PTPRB: variants seen among roughly 807,000 people sequenced by gnomAD.
The protein encoded by PTPRB is protein tyrosine phosphatase receptor type B, also known as receptor-type tyrosine-protein phosphatase beta.
A neutral mutation model predicts 238.1 loss-of-function variants in PTPRB; 97 were observed. The ratio of observed to expected loss-of-function variants is 0.41; its 90% CI spans 0.35 to 0.48. PTPRB has a LOEUF of 0.48. Among genes scored for constraint, PTPRB ranks in the 20% least tolerant of loss-of-function variants. The probability of loss-of-function intolerance (pLI) is 0.30; values close to 1 mark genes in which losing one functional copy is unlikely to be tolerated. For missense variants in PTPRB, 2,292 were observed against 2,681.9 expected, an observed-to-expected ratio of 0.85 and a Z score of 3.21; for synonymous variants, 970 against 995.4, an observed-to-expected ratio of 0.97 and a Z score of 0.48.
intron 12 of PTPRB, 63 bp downstream of exon 12, chr12:70,571,761 A>T: frequency 6.5e-7 from 1 of 1,539,132 alleles, no homozygotes; most frequent in South Asian, 1.3e-5. Flanking sequence ...TTCAAGGTTC[A>T]GATAAATTAC....
intron 21 of PTPRB, among the ~76,000 whole-genome samples, chr12:70,548,170 T>C (rs1242837390): frequency 6.6e-6 from 1 of 152,030 alleles, no homozygotes; most frequent in Non-Finnish European, 1.5e-5. Flanking sequence ...CTATTAAAAA[T>C]ACAAAAATTA....
At chr12:70,598,100 C>T (rs549399429) in intron 4 of PTPRB, among the ~76,000 whole-genome samples, 39 of 152,276 alleles carry the variant, frequency 2.6e-4, no homozygotes, top group African/African-American at 8.9e-4. Context: ...TTGCATGGTT[C>T]ACACCACAGC....
At chr12:70,543,433 A>G (rs1875482550) in intron 22 of PTPRB, among the ~76,000 whole-genome samples, 2 of 152,204 alleles carry the variant, frequency 1.3e-5, no homozygotes, top group South Asian at 2.1e-4. Flanking sequence ...ATGTAACAGT[A>G]TTTCAAAAAG....
At position 70,596,088 on chromosome 12, in the gene PTPRB, C is replaced by T; in HGVS notation, c.1219G>A (p.Gly407Arg). 1.9e-6 allele frequency: 3 copies of T among 1,611,752 alleles called. No homozygotes were observed. Among genetic ancestry groups the T allele is most frequent in the South Asian group, 2.2e-5 (2 of 90,850 alleles). Residue 407 changes from glycine to arginine, a missense_variant, in exon 5 of 34, where the codon GGA (glycine) becomes AGA (arginine). Physicochemically the swap from Gly to Arg is moderately radical, Grantham distance 125 (BLOSUM62 -2). This residue lies in a region of PTPRB where 1,205 missense variants were observed against 1,287.8 expected (regional missense o/e 0.94). Transcript: ENST00000334414. The part of the protein sequence containing the change: ...YNIAITAVSG[G>R]KRSFSVYTNG... ...GTATAAACTGAAAAAGAACGTTTTC[C>T]TCCAGAAACAGCTGTGATGGCAATA...
intron 20 of PTPRB, among the ~76,000 whole-genome samples, chr12:70,554,793 A>G (rs1877399392): frequency 6.6e-6 from 1 of 152,206 alleles, no homozygotes; most frequent in African/African-American, 2.4e-5. Flanking sequence ...ACAAAAGAGT[A>G]GTGAACAAGA....
At chr12:70,612,617 G>A (rs1055006328) in intron 3 of PTPRB, among the ~76,000 whole-genome samples, 1 of 151,966 alleles carries the variant, frequency 6.6e-6, no homozygotes, top group Non-Finnish European at 1.5e-5. Flanking sequence ...AGACTACATG[G>A]GAAGGGTGGG....
chr12:70,543,055 C>T (rs1875425294), intron 22 of PTPRB: 1 of 151,720 alleles, frequency 6.6e-6, no homozygotes, highest in African/African-American at 2.4e-5. Flanking sequence ...TGTAGGTTGT[C>T]TTTTTACTTT....
chr12:70,590,908 T>C (rs992028145), intron 7 of PTPRB, among the ~76,000 whole-genome samples: 4 of 150,550 alleles, frequency 2.7e-5, no homozygotes, highest in African/African-American at 9.7e-5. Flanking sequence ...ATTTTTTAGG[T>C]CCTTATTAAA....
chr12:70,606,961 G>A (rs542777178), intron 4 of PTPRB, among the ~76,000 whole-genome samples: 13 of 152,320 alleles, frequency 8.5e-5, no homozygotes, highest in African/African-American at 3.1e-4. Context: ...CATAATATTT[G>A]TAGACAAGTA....
rs749138809 is a variant in PTPRB at position 70,587,243 on chromosome 12, C to T, written c.2075G>A (p.Arg692His). The T allele has an allele frequency of 1.3e-5, 21 of 1,613,766 alleles. No homozygotes were observed. The highest frequency in any genetic ancestry group is 1.4e-5 in the Non-Finnish European group (17 of 1,179,804). ...RTVPLAVLQL[R>H]VKHANETSLS... is the part of the protein sequence containing the mutation. ...TGAGGTTTCATTGGCATGTTTGACA[C>T]GAAGCTGGAGGACAGCCAGGGGGAC... Residue 692 changes from arginine to histidine, a missense_variant, in exon 9 of 34, where the codon CGT becomes CAT. Arg to His is a conservative substitution (Grantham distance 29). Coordinates refer to ENST00000334414, the MANE Select transcript of PTPRB (RefSeq NM_001109754.4).
At chr12:70,582,269 T>C (rs1282721296) in intron 9 of PTPRB, among the ~76,000 whole-genome samples, 1 of 152,134 alleles carries the variant, frequency 6.6e-6, no homozygotes, top group Non-Finnish European at 1.5e-5. Flanking sequence ...TACAAAAGCG[T>C]TCATTAAAAA....
chr12:70,585,755 T>G (rs1881841363), intron 9 of PTPRB, among the ~76,000 whole-genome samples: 1 of 152,124 alleles, frequency 6.6e-6, no homozygotes, highest in South Asian at 2.1e-4. Flanking sequence ...CATTAACTCA[T>G]CATTTACATT....
chr12:70,570,523 A>AT (rs1191673935), intron 13 of PTPRB, among the ~76,000 whole-genome samples: 2 of 151,414 alleles, frequency 1.3e-5, no homozygotes, highest in African/African-American at 4.9e-5. Context: ...ATTTTTTTGT[A>AT]TTTTTTGTAG....
chr12:70,637,405 A>T lies in PTPRB; in HGVS notation c.-10T>A. On this transcript the variant is annotated 5_prime_UTR_variant, in exon 1 of 34. The change abolishes the stop of an existing upstream ORF in the 5' untranslated region. Transcript: ENST00000334414. ...AAAATTCAGCCTCCATTTTCCACTT[A>T]GCAACTGTTCATGCTTCGCTTGGGG... is the stretch of plus-strand genomic sequence containing the variant. 6.2e-7 allele frequency: 1 copy of T among 1,606,174 alleles called. No homozygotes were observed. The highest frequency in any genetic ancestry group is 8.5e-7 in the Non-Finnish European group (1 of 1,176,294).
rs1339338940 is a variant in PTPRB, at chr12:70,581,047, T to C, written c.2567A>G (p.Glu856Gly). 1.2e-6 allele frequency: 2 copies of C among 1,613,758 alleles called. No homozygotes were observed. Among genetic ancestry groups the C allele is most frequent in the East Asian group, 2.2e-5 (1 of 44,894 alleles). Residue 856 changes from glutamate to glycine, a missense_variant, in exon 10 of 34, where the codon GAG becomes GGG. By Grantham distance (98) the Glu-to-Gly change is moderately conservative (BLOSUM62 -2). Around this residue, in one of 4 missense-constraint regions of PTPRB, gnomAD observed 1,205 missense variants for 1,287.8 expected, o/e 0.94. Transcript: ENST00000334414. ...TCTCTACTTCTTACCTGTTCTTCCC[T>C]CCACAACCACTTGTCGGGAAGAGAT... The part of the protein sequence containing the change: ...GGISSRQVVV[E>G]GRTVPSSVSG...
intron 9 of PTPRB, among the ~76,000 whole-genome samples, chr12:70,581,996 T>A (rs1881445514): frequency 6.6e-6 from 1 of 152,038 alleles, no homozygotes; most frequent in Non-Finnish European, 1.5e-5. Flanking sequence ...TGTAAGTAAT[T>A]TAGCCTATAT....
chr12:70,589,801 C>T (rs1882288581), intron 8 of PTPRB, among the ~76,000 whole-genome samples, 163 bp downstream of exon 8: 1 of 150,292 alleles, frequency 6.7e-6, no homozygotes, highest in Non-Finnish European at 1.5e-5. Flanking sequence ...TCTAATTTGA[C>T]AAATTAGGTG....
rs1878703038 is a variant in PTPRB at position 70,562,990 on chromosome 12, T to A, written c.4022A>T (p.Asp1341Val). ...TTGAGCTCTCTCCTGGAGATTCCCA[T>A]CTGGGTTGTACAAAAAGATGTTGTA... is the stretch of plus-strand genomic sequence containing the variant. ...SWYNIFLYNPDGNLQERAQVD... is the reference protein window; with the variant it reads ...SWYNIFLYNPVGNLQERAQVD... Residue 1341 changes from aspartate (D) to valine (V), a missense_variant, in exon 16 of 34, where the codon GAT (aspartate) becomes GTT (valine). Physicochemically the swap from Asp to Val is radical, Grantham distance 152. Coordinates refer to ENST00000334414, the MANE Select transcript of PTPRB (RefSeq NM_001109754.4). 1.2e-6 allele frequency: 2 copies of A among 1,614,000 alleles called. No individual in the cohort carries two copies. The highest frequency in any genetic ancestry group is 1.7e-6 in the Non-Finnish European group (2 of 1,179,880).
chr12:70,524,871 ATGTGTGTATATATGTATATATG>A (rs1279243733), intron 32 of PTPRB, among the ~76,000 whole-genome samples: 8 of 147,378 alleles, frequency 5.4e-5, no homozygotes, highest in Non-Finnish European at 3.0e-5. Context: ...GTGTGTATAT[ATGTGTGTATATATGTATATATG>A]TGTATATATG....
Sources: gnomAD v4.1 joint callset for allele counts (sites outside exome capture counted in the v4.1 genomes callset) on GRCh38, gnomAD v4.1.1 for gene constraint, gnomAD v4.1.1 regional missense constraint, MANE v1.5 for transcripts, NCBI Gene and HGNC (gene_info 2026-07-23, HGNC 2026-07-21) for gene names.